POM121L2: variants seen among roughly 807,000 people sequenced by gnomAD.
POM121L2 encodes the protein POM121-like protein 2.
For synonymous variants in POM121L2, 459 were observed against 483.8 expected (o/e 0.95, Z 0.67); for missense variants, 1,167 against 1,260.3 (o/e 0.93, Z 1.12).
In POM121L2 at chr6:27,308,378, G is replaced by A. The variant is rs1410869459; in HGVS notation, c.*685C>T. Among the ~76,000 whole-genome samples, 1 of 151,546 alleles carries A rather than the reference G, an allele frequency of 6.6e-6. No homozygotes were observed. The highest frequency in any genetic ancestry group is 1.5e-5 in the Non-Finnish European group (1 of 67,980). ...AAAACATATGTTCACACAAAAACCT[G>A]AACATGAATGTTTCTGGTGACTTTA... On this transcript the variant is annotated 3_prime_UTR_variant, in exon 1 of 1. Coordinates refer to ENST00000444565, the MANE Select transcript of POM121L2 (RefSeq NM_033482.4).
rs748932894 is a variant in POM121L2 at position 27,310,124 on chromosome 6, A to T, written c.2047T>A (p.Phe683Ile). 3 of 1,552,042 alleles carry T rather than the reference A, an allele frequency of 1.9e-6. No individual in the cohort carries two copies. In the South Asian group the frequency reaches 3.6e-5, roughly 18 times the overall value. ...FRADFTPATGFIFPPHHHPTI... is the reference protein window; with the variant it reads ...FRADFTPATGIIFPPHHHPTI... ...GGATGGTGGTGTGGTGGGAAAATGA[A>T]TCCTGTGGCTGGGGTGAAGTCGGCC... is the stretch of plus-strand genomic sequence containing the variant. Residue 683 changes from phenylalanine to isoleucine, a missense_variant, in exon 1 of 1, where the codon TTC becomes ATC. Physicochemically the swap from Phe to Ile is conservative, Grantham distance 21 (BLOSUM62 0). Coordinates refer to ENST00000444565, the MANE Select transcript of POM121L2 (RefSeq NM_033482.4).
chr6:27,312,223 G>T lies in POM121L2; in HGVS notation c.-53C>A. 2 of 1,129,542 alleles carry T rather than the reference G, an allele frequency of 1.8e-6. No homozygotes were observed. The highest frequency in any genetic ancestry group is 2.4e-6 in the Non-Finnish European group (2 of 823,684). 70.0% of individuals were successfully genotyped at this position (1,129,542 alleles called of 1,614,324 possible). On this transcript the variant is annotated 5_prime_UTR_variant, in exon 1 of 1. Coordinates refer to ENST00000444565, the MANE Select transcript of POM121L2 (RefSeq NM_033482.4). This position sits in a 1 kb window ranked among gnomAD's most constrained non-coding sequence, Gnocchi z 6.7. ...TTCAAGCACGGTTTTGGCTTCCGAG[G>T]TTTCGGACGTCTGCAGAATCGGACA...
Position 27,312,114 on chromosome 6 carries a change from G to A in POM121L2, c.57C>T (p.Arg19=), listed in dbSNP as rs1455236952. The A allele has an allele frequency of 8.2e-6, 12 of 1,465,632 alleles. No homozygotes were observed. In the Admixed American group the frequency reaches 2.7e-4, roughly 33 times the overall value. The allele number at this position is 1,465,632 out of a possible 1,614,324, so 90.8% of individuals were successfully genotyped here. The change falls in exon 1 of 1, where the codon CGC becomes CGT. Residue 19 remains arginine (R), a synonymous_variant. Transcript: ENST00000444565. The surrounding 1 kb of genome is among the most constrained non-coding windows in gnomAD (Gnocchi z 6.7). ...ELSPSSPAQV[R]TDLPERPTKR... is the part of the protein sequence containing the mutation. ...TCGTGGGCCTCTCGGGCAAGTCGGT[G>A]CGCACCTGGGCTGGGGACGAGGGCG...
Position 27,310,908 on chromosome 6 carries a change from T to C in POM121L2, c.1263A>G (p.Pro421=). 2 of 1,551,810 alleles carry C rather than the reference T, an allele frequency of 1.3e-6. No homozygotes were observed. Among genetic ancestry groups the C allele is most frequent in the Non-Finnish European group, 1.7e-6 (2 of 1,146,992 alleles). ...MQKSLGPLAS[P]QSTGEATSVA... is the part of the protein sequence containing the mutation. ...CACTGGTTGCCTCTCCCGTGGACTG[T>C]GGAGAGGCCAGTGGACCTAGAGACT... is the stretch of plus-strand genomic sequence containing the variant. Residue 421 remains proline, a synonymous_variant, in exon 1 of 1, where the codon CCA becomes CCG. Transcript: ENST00000444565.
chr6:27,310,359 T>A lies in POM121L2; in HGVS notation c.1812A>T (p.Pro604=). 1 of 1,551,984 alleles carries A rather than the reference T, an allele frequency of 6.4e-7. No homozygotes were observed. ...AATGATGGGTAGAAGCATGAGTAAA[T>A]GGAGGAGGGGTCTGCTTGGAGGAGA... is the stretch of plus-strand genomic sequence containing the variant. ...APFSSKQTPP[P]FTHASTHHFH... is the part of the protein sequence containing the mutation. The change falls in exon 1 of 1, where the codon CCA becomes CCT. Residue 604 remains proline (P), a synonymous_variant. Transcript: ENST00000444565.
rs2281023 is a variant in POM121L2, at chr6:27,309,886, G to A, written c.2285C>T (p.Pro762Leu). ...ITSPLGSSSR[P>L]PFPLSQGANP... ...AGCTCCTTGGGATAGTGGGAAAGGT[G>A]GCCTTGAGCTTGATCCCAAGGGACT... Residue 762 changes from proline (P) to leucine (L), a missense_variant, in exon 1 of 1, where the codon CCA becomes CTA. Transcript: ENST00000444565. 67,241 of 1,551,688 alleles carry A rather than the reference G, an allele frequency of 0.043. 4,373 individuals carry two copies. Among genetic ancestry groups the A allele is most frequent in the African/African-American group, 0.28 (20,258 of 73,124 alleles).
chr6:27,311,078 C>T lies in POM121L2; in HGVS notation c.1093G>A (p.Glu365Lys), dbSNP rs145032789. Residue 365 changes from glutamate to lysine, a missense_variant, in exon 1 of 1, where the codon GAA becomes AAA. Glu to Lys is a moderately conservative substitution (Grantham distance 56). Transcript: ENST00000444565. ...AELQVSNNAG[E>K]DTTEVNTDPF... Reference sequence around the variant, plus strand: ...TCTGTGTTGACCTCAGTTGTATCTTCTCCTGCGTTGTTGCTTACCTGTAGC... The same window carrying T: ...TCTGTGTTGACCTCAGTTGTATCTTTTCCTGCGTTGTTGCTTACCTGTAGC... 6.4e-7 allele frequency: 1 copy of T among 1,551,836 alleles called. No individual in the cohort carries two copies. Among genetic ancestry groups the T allele is most frequent in the African/African-American group, 1.4e-5 (1 of 73,024 alleles).
intron 1 of POM121L2, chr6:27,309,899 A>AT (rs1227274840): frequency 6.4e-7 from 1 of 1,551,556 alleles, no homozygotes; most frequent in East Asian, 2.4e-5. Context: ...CTTGAGCTTG[A>AT]TCCCAAGGGA....
rs371845345 is a variant in POM121L2 at position 27,308,954 on chromosome 6, T to C, written c.*109A>G. Reference sequence around the variant, plus strand: ...GACACACAGTGTGAACATCTAAAGCTCCAGTTTTAGATCTGGAGTATGTTT... The same window carrying C: ...GACACACAGTGTGAACATCTAAAGCCCCAGTTTTAGATCTGGAGTATGTTT... On this transcript the variant is annotated 3_prime_UTR_variant, in exon 1 of 1. Coordinates refer to ENST00000444565, the MANE Select transcript of POM121L2 (RefSeq NM_033482.4). 14 of 829,154 alleles carry C rather than the reference T, an allele frequency of 1.7e-5. No individual in the cohort carries two copies. The highest frequency in any genetic ancestry group is 1.6e-4 in the African/African-American group (9 of 57,564). 51.4% of individuals were successfully genotyped at this position (829,154 alleles called of 1,614,324 possible).
Position 27,309,430 on chromosome 6 carries a change from G to C in POM121L2, c.2741C>G (p.Pro914Arg), listed in dbSNP as rs1420287942. The change falls in exon 1 of 1, where the codon CCC (proline) becomes CGC (arginine). Residue 914 changes from proline to arginine, a missense_variant. Physicochemically the swap from Pro to Arg is moderately radical, Grantham distance 103. Transcript: ENST00000444565. The stretch of plus-strand genomic sequence containing the variant: ...TCCAATGCTGAAAGCTCCAGAGGTG[G>C]GGCTCATGTCTGGACCAGTCATTAT... ...GIIMTGPDMS[P>R]TSGAFSIGAL... 1 of 1,551,454 alleles carries C rather than the reference G, an allele frequency of 6.4e-7. No individual in the cohort carries two copies. Among genetic ancestry groups the C allele is most frequent in the Non-Finnish European group, 8.7e-7 (1 of 1,146,864 alleles).
Position 27,311,661 on chromosome 6 carries a change from T to C in POM121L2, c.510A>G (p.Lys170=), listed in dbSNP as rs1412944282. The part of the protein sequence containing the change: ...LRALRECRKG[K]GRLEEPLFPE... ...GGAATAGTGGTTCTTCCAACCTCCC[T>C]TTCCCTTTTCTGCACTCTCTGAGGG... Residue 170 remains lysine, a synonymous_variant, in exon 1 of 1, where the codon AAA becomes AAG. Transcript: ENST00000444565. 2 of 1,551,746 alleles carry C rather than the reference T, an allele frequency of 1.3e-6. No individual in the cohort carries two copies. Among genetic ancestry groups the C allele is most frequent in the Non-Finnish European group, 1.7e-6 (2 of 1,147,034 alleles).
chr6:27,311,961 C>G lies in POM121L2; in HGVS notation c.210G>C (p.Trp70Cys), dbSNP rs1317301906. The G allele has an allele frequency of 1.0e-5, 16 of 1,551,232 alleles. No individual in the cohort carries two copies. In the East Asian group the frequency reaches 3.9e-4, roughly 38 times the overall value. Reference sequence around the variant, plus strand: ...AGCGCCTCCAGGCCTCGTTGGCCAGCCACGTGGTTGGATTGGCAGGATCCA... The same window carrying G: ...AGCGCCTCCAGGCCTCGTTGGCCAGGCACGTGGTTGGATTGGCAGGATCCA... ...PNLDPANPTT[W>C]LANEAWRRFP... The change falls in exon 1 of 1, where the codon TGG (tryptophan) becomes TGC (cysteine). Residue 70 changes from tryptophan (W) to cysteine (C), a missense_variant. Coordinates refer to ENST00000444565, the MANE Select transcript of POM121L2 (RefSeq NM_033482.4).
Position 27,311,811 on chromosome 6 carries a change from G to C in POM121L2, c.360C>G (p.Ile120Met). The change falls in exon 1 of 1, where the codon ATC becomes ATG. Residue 120 changes from isoleucine (I) to methionine (M), a missense_variant. By Grantham distance (10) the Ile-to-Met change is conservative (BLOSUM62 1). Transcript: ENST00000444565. ...HPRPIWSPVT[I>M]RITPPDQRVP... ...CTCTCTGGTCAGGAGGAGTGATCCT[G>C]ATGGTCACTGGGCTCCAAATTGGCC... 1 of 1,551,752 alleles carries C rather than the reference G, an allele frequency of 6.4e-7. No homozygotes were observed. The highest frequency in any genetic ancestry group is 1.2e-5 in the South Asian group (1 of 84,068).
rs1287912253 is a variant in POM121L2, at chr6:27,310,698, C to T, written c.1473G>A (p.Arg491=). 1 of 1,551,824 alleles carries T rather than the reference C, an allele frequency of 6.4e-7. No individual in the cohort carries two copies. Among genetic ancestry groups the T allele is most frequent in the Admixed American group, 2.0e-5 (1 of 50,990 alleles). ...CAGGTGGGTCTGGGGGCATGGGAGA[C>T]CTGTCAGCCTGAGAGGTTGAAGGCG... ...TWPPSTSQAD[R]SPMPPDPPAP... is the part of the protein sequence containing the mutation. Residue 491 remains arginine (R), a synonymous_variant, in exon 1 of 1, where the codon AGG becomes AGA. Coordinates refer to ENST00000444565, the MANE Select transcript of POM121L2 (RefSeq NM_033482.4).
rs1454568828 is a variant in POM121L2, at chr6:27,310,892, C to T, written c.1279G>A (p.Ala427Thr). The stretch of plus-strand genomic sequence containing the variant: ...AAAGGAGAATGGGCCACACTGGTTG[C>T]CTCTCCCGTGGACTGTGGAGAGGCC... ...PLASPQSTGE[A>T]TSVAHSPLKT... Residue 427 changes from alanine (A) to threonine (T), a missense_variant, in exon 1 of 1, where the codon GCA (alanine) becomes ACA (threonine). Ala to Thr is a moderately conservative substitution (Grantham distance 58, BLOSUM62 0). Coordinates refer to ENST00000444565, the MANE Select transcript of POM121L2 (RefSeq NM_033482.4). 1 of 1,551,648 alleles carries T rather than the reference C, an allele frequency of 6.4e-7. No homozygotes were observed. Among genetic ancestry groups the T allele is most frequent in the African/African-American group, 1.4e-5 (1 of 73,016 alleles).
Position 27,309,265 on chromosome 6 carries a change from A to G in POM121L2, c.2906T>C (p.Ile969Thr). ...SISARKTMAP[I>T]AQNTPVPGQA... is the part of the protein sequence containing the mutation. ...TCCAGGGACTGGGGTGTTTTGAGCA[A>G]TGGGGGCCATAGTCTTTCTTGCAGA... The change falls in exon 1 of 1, where the codon ATT becomes ACT. Residue 969 changes from isoleucine to threonine, a missense_variant. By Grantham distance (89) the Ile-to-Thr change is moderately conservative (BLOSUM62 -1). Coordinates refer to ENST00000444565, the MANE Select transcript of POM121L2 (RefSeq NM_033482.4). The G allele has an allele frequency of 6.4e-7, 1 of 1,551,778 alleles. No individual in the cohort carries two copies. Among genetic ancestry groups the G allele is most frequent in the Non-Finnish European group, 8.7e-7 (1 of 1,146,986 alleles).
chr6:27,309,333 C>A lies in POM121L2; in HGVS notation c.2838G>T (p.Leu946=), dbSNP rs1346131390. Residue 946 remains leucine, a synonymous_variant, in exon 1 of 1, where the codon CTG becomes CTT. Coordinates refer to ENST00000444565, the MANE Select transcript of POM121L2 (RefSeq NM_033482.4). ...AGGAAAAAGCTGTGCGGTGGCTGGG[C>A]AGGCCTTCAGTGTTCTGGCTCCAGC... ...GKGWSQNTEG[L]PSHRTAFSLG... 6 of 1,551,148 alleles carry A rather than the reference C, an allele frequency of 3.9e-6. No individual in the cohort carries two copies. Among genetic ancestry groups the A allele is most frequent in the Admixed American group, 2.0e-5 (1 of 50,920 alleles).
In POM121L2 at chr6:27,310,529, T is replaced by C; in HGVS notation, c.1642A>G (p.Ser548Gly). ...ACTGAAATTCTGGAATATGAGGAGC[T>C]TCCAATCTCGCTGTTGTGCAGGGGC... is the stretch of plus-strand genomic sequence containing the variant. ...LGPLHNSEIG[S>G]SSYSRISVTA... Residue 548 changes from serine to glycine, a missense_variant, in exon 1 of 1, where the codon AGC becomes GGC. Transcript: ENST00000444565. 6.4e-7 allele frequency: 1 copy of C among 1,552,216 alleles called. No homozygotes were observed. The highest frequency in any genetic ancestry group is 8.7e-7 in the Non-Finnish European group (1 of 1,147,130).
rs1289355901 is a variant in POM121L2 at position 27,309,891 on chromosome 6, T to C, written c.2280A>G (p.Ser760=). 1.3e-6 allele frequency: 2 copies of C among 1,551,348 alleles called. No homozygotes were observed. The highest frequency in any genetic ancestry group is 1.4e-5 in the African/African-American group (1 of 73,038). The change falls in exon 1 of 1, where the codon TCA becomes TCG. Residue 760 remains serine, a synonymous_variant. Transcript: ENST00000444565. The part of the protein sequence containing the change: ...PAITSPLGSS[S]RPPFPLSQGA... ...CTTGGGATAGTGGGAAAGGTGGCCT[T>C]GAGCTTGATCCCAAGGGACTTGTGA... is the stretch of plus-strand genomic sequence containing the variant.
Sources: gnomAD v4.1 joint callset for allele counts (sites outside exome capture counted in the v4.1 genomes callset) on GRCh38, gnomAD v4.1.1 for gene constraint, Gnocchi (gnomAD v3.1) non-coding constraint, MANE v1.5 for transcripts, NCBI Gene and HGNC (gene_info 2026-07-23, HGNC 2026-07-21) for gene names.